The following GDPD5 variants were observed in gnomAD, a reference collection of about 807,000 sequenced individuals.
The protein encoded by GDPD5 is glycerophosphodiester phosphodiesterase 2.
In GDPD5, 48 loss-of-function variants were observed where a neutral mutation model predicts 75.1. The ratio of observed to expected loss-of-function variants is 0.64; its 90% CI spans 0.51 to 0.81. The LOEUF is 0.81. Among genes scored for constraint, GDPD5 ranks in the 40% least tolerant of loss-of-function variants. The pLI is 0.00. For synonymous variants in GDPD5, 336 were observed against 339.0 expected (o/e 0.99, Z 0.10); for missense variants, 706 against 822.6 (o/e 0.86, Z 1.73).
intron 9 of GDPD5, among the ~76,000 whole-genome samples, chr11:75,445,792 G>A (rs1948971751): frequency 6.6e-6 from 1 of 152,218 alleles, no homozygotes; most frequent in Non-Finnish European, 1.5e-5. Context: ...CTAAAAAGGT[G>A]CAATTTCACT....
intron 2 of GDPD5, among the ~76,000 whole-genome samples, chr11:75,487,372 G>A (rs905403734): frequency 3.9e-5 from 6 of 152,342 alleles, no homozygotes; most frequent in African/African-American, 1.4e-4. Context: ...AGTCACAGGG[G>A]CAGCTGCCAG....
At chr11:75,454,191 A>C (rs1949235758) in intron 6 of GDPD5, among the ~76,000 whole-genome samples, 1 of 152,230 alleles carries the variant, frequency 6.6e-6, no homozygotes, top group Admixed American at 6.5e-5. Flanking sequence ...CAATGGCAAA[A>C]ATGGCAAAAG....
intron 4 of GDPD5, among the ~76,000 whole-genome samples, chr11:75,460,722 A>G (rs1333030873): frequency 6.6e-6 from 1 of 152,072 alleles, no homozygotes; most frequent in Non-Finnish European, 1.5e-5. Flanking sequence ...CTGAGATTAC[A>G]GGCATGAGTC....
intron 1 of GDPD5, among the ~76,000 whole-genome samples, chr11:75,496,383 C>A (rs1031020403): frequency 6.6e-6 from 1 of 152,212 alleles, no homozygotes; most frequent in Non-Finnish European, 1.5e-5. Flanking sequence ...GGTGGGGGAG[C>A]AGAGGAGTGA....
intron 11 of GDPD5, 26 bp from the exon 12 acceptor site, chr11:75,442,607 G>A (rs1212476607): frequency 6.2e-7 from 1 of 1,606,920 alleles, no homozygotes; most frequent in African/African-American, 1.3e-5. Context: ...ACACACACAT[G>A]GCTGCATCAT....
intron 1 of GDPD5, among the ~76,000 whole-genome samples, chr11:75,521,852 T>C (rs556045599): frequency 5.9e-5 from 9 of 152,008 alleles, no homozygotes; most frequent in African/African-American, 2.2e-4. Flanking sequence ...TAGGAGACAG[T>C]GCAGAGCAAT....
chr11:75,525,860 G>C lies in GDPD5; in HGVS notation c.-795C>G, dbSNP rs1941646686. 1 of 151,546 alleles carries C rather than the reference G, an allele frequency of 6.6e-6. No homozygotes were observed. Among genetic ancestry groups the C allele is most frequent in the East Asian group, 1.9e-4 (1 of 5,156 alleles). 9.4% of individuals were successfully genotyped at this position (151,546 alleles called of 1,614,324 possible). ...CCTCCTCTTCCCCTGCTCCCTCGCC[G>C]CTCGCTCAGCGCCGCGCCGCTGCCA... is the stretch of plus-strand genomic sequence containing the variant. On this transcript the variant is annotated 5_prime_UTR_variant, in exon 1 of 17. Coordinates refer to ENST00000336898, the MANE Select transcript of GDPD5 (RefSeq NM_030792.8).
intron 1 of GDPD5, among the ~76,000 whole-genome samples, chr11:75,521,106 G>T (rs1423394588): frequency 1.3e-5 from 2 of 152,190 alleles, no homozygotes; most frequent in Non-Finnish European, 2.9e-5. Flanking sequence ...AGCTACAGGG[G>T]AGCTCAGAAC....
chr11:75,478,949 A>G (rs550274506), intron 2 of GDPD5, among the ~76,000 whole-genome samples: 11 of 152,188 alleles, frequency 7.2e-5, no homozygotes, highest in Non-Finnish European at 1.6e-4. Context: ...TAGTGCCCCA[A>G]AGTATTCATT....
Position 75,462,766 on chromosome 11 carries a change from C to G in GDPD5, c.221+20G>C, listed in dbSNP as rs377399723. 21 of 1,590,162 alleles carry G rather than the reference C, an allele frequency of 1.3e-5. No homozygotes were observed. The highest frequency in any genetic ancestry group is 1.0e-4 in the Admixed American group (6 of 59,784). On this transcript the variant is annotated intron_variant, in intron 4 of 16. Coordinates refer to ENST00000336898, the MANE Select transcript of GDPD5 (RefSeq NM_030792.8). ...CCCAGCTCTGGGCCCCTTCCTCCCC[C>G]ACCCACTGCCCCTACTCACCAGTTG...
chr11:75,512,468 G>A (rs1343520437), intron 1 of GDPD5, among the ~76,000 whole-genome samples: 2 of 152,108 alleles, frequency 1.3e-5, no homozygotes, highest in South Asian at 2.1e-4. Context: ...GTCAAGCCGC[G>A]TCGGCATTCT....
chr11:75,477,442 G>A (rs2135369727), intron 3 of GDPD5, among the ~76,000 whole-genome samples, 177 bp downstream of exon 3: 1 of 152,316 alleles, frequency 6.6e-6, no homozygotes, highest in Middle Eastern at 3.4e-3. Flanking sequence ...TGCCCTCCTG[G>A]TCAGTAGATT....
At chr11:75,460,102 GA>G (rs1949379869) in intron 4 of GDPD5, among the ~76,000 whole-genome samples, 1 of 152,068 alleles carries the variant, frequency 6.6e-6, no homozygotes, top group Non-Finnish European at 1.5e-5. Flanking sequence ...GAGGCCTGAA[GA>G]GGGGCAAGAC....
At chr11:75,513,383 G>A (rs369716630) in intron 1 of GDPD5, among the ~76,000 whole-genome samples, 1 of 152,168 alleles carries the variant, frequency 6.6e-6, no homozygotes, top group Non-Finnish European at 1.5e-5. Flanking sequence ...TGAGCAAACT[G>A]AGACTTGGCT....
chr11:75,449,443 C>T, intron 8 of GDPD5, 74 bp downstream of exon 8: 1 of 1,419,662 alleles, frequency 7.0e-7, no homozygotes, highest in African/African-American at 1.4e-5. Context: ...AGGGAAAGCC[C>T]AGGTCGGGGC....
At position 75,441,128 on chromosome 11, in the gene GDPD5, ACTGCCCCCCAGGGGCCCT is replaced by A; in HGVS notation, c.1473+17_1473+34del. The A allele has an allele frequency of 6.2e-7, 1 of 1,602,994 alleles. No individual in the cohort carries two copies. Among genetic ancestry groups the A allele is most frequent in the Non-Finnish European group, 8.5e-7 (1 of 1,171,156 alleles). ...AGGGCAGGCTATAGGCAGCTCCAGC[ACTGCCCCCCAGGGGCCCT>A]CTGCCCCCCAACTCACCATGATCCA... On this transcript the variant is annotated intron_variant, in intron 14 of 16. Coordinates refer to ENST00000336898, the MANE Select transcript of GDPD5 (RefSeq NM_030792.8).
At chr11:75,470,713 T>C (rs1447698711) in intron 3 of GDPD5, among the ~76,000 whole-genome samples, 1 of 152,200 alleles carries the variant, frequency 6.6e-6, no homozygotes, top group African/African-American at 2.4e-5. Context: ...AAAAAATACA[T>C]CTTAATCCAT....
Position 75,491,765 on chromosome 11 carries a change from T to C in GDPD5, c.-144-1445A>G, listed in dbSNP as rs534036941. Among the ~76,000 whole-genome samples, 15 of 152,334 alleles carry C rather than the reference T, an allele frequency of 9.8e-5. No homozygotes were observed. The South Asian group carries it at 1.0e-3, about 11-fold the overall frequency. ...GGGTCAATGTGGGGATTAAATTAGTTACCATATGTAAAACACTTAAAGTGA... is the reference window on the plus strand; with the variant it reads ...GGGTCAATGTGGGGATTAAATTAGTCACCATATGTAAAACACTTAAAGTGA... On this transcript the variant is annotated intron_variant, in intron 1 of 16. Transcript: ENST00000336898.
intron 3 of GDPD5, among the ~76,000 whole-genome samples, chr11:75,474,306 A>G (rs1023435417): frequency 6.6e-6 from 1 of 152,252 alleles, no homozygotes; most frequent in Admixed American, 6.5e-5. Flanking sequence ...TCTATAGAGA[A>G]GCTGGTTTTG....
Sources: gnomAD v4.1 joint callset for allele counts (sites outside exome capture counted in the v4.1 genomes callset) on GRCh38, gnomAD v4.1.1 for gene constraint, MANE v1.5 for transcripts, NCBI Gene and HGNC (gene_info 2026-07-23, HGNC 2026-07-21) for gene names.